CD84: variants seen among roughly 807,000 people sequenced by gnomAD.
CD84 encodes SLAM family member 5.
A neutral mutation model predicts 33.8 loss-of-function variants in CD84; 22 were observed. That is an observed-to-expected ratio of 0.65 (90% CI 0.46 to 0.93). CD84 has a LOEUF of 0.93. CD84 is among the 40% of genes least tolerant of loss of function. CD84 has a pLI of 0.00. For synonymous variants in CD84, 154 were observed against 145.2 expected (o/e 1.06, Z -0.44); for missense variants, 400 against 397.6 (o/e 1.01, Z -0.05).
chr1:160,565,900 G>T (rs1214031770), intron 1 of CD84, among the ~76,000 whole-genome samples, 155 bp from the exon 2 acceptor site: 1 of 150,866 alleles, frequency 6.6e-6, no homozygotes, highest in African/African-American at 2.4e-5. Flanking sequence ...TTCTACTCTA[G>T]GTGTATTTAA....
intron 1 of CD84, among the ~76,000 whole-genome samples, chr1:160,577,520 C>A (rs1557988418): frequency 6.6e-6 from 1 of 152,122 alleles, no homozygotes; most frequent in East Asian, 1.9e-4. Context: ...ATATCTCACT[C>A]CTAGTTTCCT....
chr1:160,548,543 A>G (rs1330220022), intron 6 of CD84, among the ~76,000 whole-genome samples: 4 of 152,134 alleles, frequency 2.6e-5, no homozygotes, highest in African/African-American at 9.7e-5. Flanking sequence ...TTAACTTCTT[A>G]GCCCAGAAAA....
chr1:160,570,658 C>A (rs914186607), intron 1 of CD84, among the ~76,000 whole-genome samples: 7 of 152,044 alleles, frequency 4.6e-5, no homozygotes, highest in African/African-American at 1.7e-4. Flanking sequence ...TCCAGGAGTG[C>A]GAGACCAGCC....
chr1:160,554,138 C>T lies in CD84; in HGVS notation c.397G>A (p.Gly133Arg), dbSNP rs760686065. 9 of 1,610,576 alleles carry T rather than the reference C, an allele frequency of 5.6e-6. No homozygotes were observed. The highest frequency in any genetic ancestry group is 2.7e-5 in the African/African-American group (2 of 74,858). ...AAACTCTGTGTAATTTTTGGTTTCCCAAGCCGACCTGTGGGGGCAAACACA... is the reference window on the plus strand; with the variant it reads ...AAACTCTGTGTAATTTTTGGTTTCCTAAGCCGACCTGTGGGGGCAAACACA... ...RYNLQIYRRL[G>R]KPKITQSLMA... is the part of the protein sequence containing the mutation. The change falls in exon 3 of 7, where the codon GGG (glycine) becomes AGG (arginine). Residue 133 changes from glycine (G) to arginine (R), a missense_variant. Coordinates refer to ENST00000368054, the MANE Select transcript of CD84 (RefSeq NM_003874.4).
chr1:160,551,172 G>A, intron 4 of CD84, 137 bp from the exon 5 acceptor site: 1 of 699,916 alleles, frequency 1.4e-6, no homozygotes, highest in Non-Finnish European at 2.5e-6. Context: ...TGAAATGGAT[G>A]CTTGGATCCT....
intron 4 of CD84, chr1:160,552,980 T>A (rs544372177): frequency 1.7e-6 from 1 of 579,902 alleles, no homozygotes; most frequent in Admixed American, 3.0e-5. Flanking sequence ...TTAGTATATG[T>A]TTCTCAATGA....
intron 5 of CD84, 154 bp downstream of exon 5, chr1:160,550,784 C>T (rs1169536662): frequency 6.1e-6 from 6 of 985,250 alleles, no homozygotes; most frequent in Non-Finnish European, 7.2e-6. Context: ...AGATCCGTGG[C>T]ATCACTTCCC....
Position 160,561,382 on chromosome 1 carries a change from A to T in CD84, c.388+4022T>A, listed in dbSNP as rs149003704. The stretch of plus-strand genomic sequence containing the variant: ...CAACATATCCAAATCAGTAAGTGTG[A>T]TTCATCACATAAATAGTACTGAAGA... On this transcript the variant is annotated intron_variant, in intron 2 of 6. Transcript: ENST00000368054. 8.8e-3 allele frequency among the ~76,000 whole-genome samples: 1,343 copies of T among 152,262 alleles called. 15 individuals are homozygous for T. The highest frequency in any genetic ancestry group is 0.039 in the South Asian group (190 of 4,824).
intron 2 of CD84, among the ~76,000 whole-genome samples, chr1:160,557,781 A>G (rs1469311738): frequency 3.3e-5 from 5 of 152,188 alleles, no homozygotes; most frequent in Non-Finnish European, 7.4e-5. Flanking sequence ...GGCGTCTGCC[A>G]TCTCTGTGGT....
chr1:160,558,531 A>G (rs2102157260), intron 2 of CD84, among the ~76,000 whole-genome samples: 1 of 152,356 alleles, frequency 6.6e-6, no homozygotes, highest in South Asian at 2.1e-4. Context: ...AAGATAATAA[A>G]GAATTAATGC....
At chr1:160,552,737 C>T (rs1361037188) in intron 4 of CD84, 1 of 1,546,924 alleles carries the variant, frequency 6.5e-7, no homozygotes, top group Non-Finnish European at 8.7e-7. Flanking sequence ...CAAGCAGGAA[C>T]CTGAGGAATC....
intron 1 of CD84, among the ~76,000 whole-genome samples, chr1:160,573,104 TAGA>T (rs1048793923): frequency 6.6e-6 from 1 of 152,066 alleles, no homozygotes; most frequent in African/African-American, 2.4e-5. Flanking sequence ...AGCCACTGAC[TAGA>T]AGAAGACAAT....
rs34031902 is a variant in CD84 at position 160,544,145 on chromosome 1, C to CTTTTTT, written c.*4105_*4110dup. On this transcript the variant is annotated 3_prime_UTR_variant, in exon 7 of 7. Coordinates refer to ENST00000368054, the MANE Select transcript of CD84 (RefSeq NM_003874.4). ...CCTCTTATTGTCTTTGTTCTTCAAACTTTTTTTTTTTTTTTTTTTTTTGAG... is the reference window on the plus strand; with the variant it reads ...CCTCTTATTGTCTTTGTTCTTCAAACTTTTTTTTTTTTTTTTTTTTTTTTTTTTGAG... 6 of 90,126 alleles carry CTTTTTT rather than the reference C, an allele frequency of 6.7e-5. No individual in the cohort carries two copies. Among genetic ancestry groups the CTTTTTT allele is most frequent in the East Asian group, 6.7e-4 (2 of 2,982 alleles). The allele number at this position is 90,126 out of a possible 1,614,324, so 5.6% of individuals were successfully genotyped here.
rs1429318528 is a variant in CD84, at chr1:160,543,348, A to T, written c.*4908T>A. ...TCCACAGGAGGTAAAAAAGGGCCAC[A>T]TGGCAGAGTACAAGTGCATGGCCCT... On this transcript the variant is annotated 3_prime_UTR_variant, in exon 7 of 7. Transcript: ENST00000368054. 6.6e-6 allele frequency: 1 copy of T among 152,204 alleles called. No homozygotes were observed. The highest frequency in any genetic ancestry group is 1.5e-5 in the Non-Finnish European group (1 of 68,040). 9.4% of individuals were successfully genotyped at this position (152,204 alleles called of 1,614,324 possible).
At chr1:160,571,781 G>A (rs1657710692) in intron 1 of CD84, among the ~76,000 whole-genome samples, 1 of 152,150 alleles carries the variant, frequency 6.6e-6, no homozygotes, top group Admixed American at 6.5e-5. Flanking sequence ...CCCTCTCATA[G>A]CACTTGCCAC....
chr1:160,552,840 T>A lies in CD84; in HGVS notation c.760+538A>T, dbSNP rs185613856. 1.6e-5 allele frequency: 13 copies of A among 817,576 alleles called. No individual in the cohort carries two copies. The African/African-American group carries it at 2.2e-4, about 14-fold the overall frequency. 50.6% of individuals were successfully genotyped at this position (817,576 alleles called of 1,614,324 possible). A position where few individuals can be genotyped will look rare whatever the true frequency, so the allele number is the denominator to read the frequency against. On this transcript the variant is annotated intron_variant, in intron 4 of 6. Coordinates refer to ENST00000368054, the MANE Select transcript of CD84 (RefSeq NM_003874.4). ...AGGAAGTTCTTGGGTGGACATGGGA[T>A]GTGGGTGAATCGGAGGGTATAATGA...
chr1:160,567,710 C>T (rs1233207299), intron 1 of CD84, among the ~76,000 whole-genome samples: 1 of 152,066 alleles, frequency 6.6e-6, no homozygotes, highest in African/African-American at 2.4e-5. Context: ...ATTGGGGTAG[C>T]GGGTCAGAAA....
chr1:160,579,484 G>A lies in CD84; in HGVS notation c.-47C>T, dbSNP rs747896519. 6.2e-7 allele frequency: 1 copy of A among 1,601,746 alleles called. No homozygotes were observed. On this transcript the variant is annotated 5_prime_UTR_variant, in exon 1 of 7. Coordinates refer to ENST00000368054, the MANE Select transcript of CD84 (RefSeq NM_003874.4). The stretch of plus-strand genomic sequence containing the variant: ...TGTGGAAAAGCACGGCACTGTTCTA[G>A]CAGAGTCAGTTTCACTTGAGTTTTC...
At chr1:160,569,538 ACACGCACG>A (rs1165103555) in intron 1 of CD84, among the ~76,000 whole-genome samples, 11 of 88,158 alleles carry the variant, frequency 1.2e-4, no homozygotes, top group Non-Finnish European at 2.3e-4. Context: ...ACACACACAC[ACACGCACG>A]CACGCACGCA....
Sources: allele counts gnomAD v4.1 joint callset (sites outside exome capture counted in the v4.1 genomes callset), GRCh38; gene constraint gnomAD v4.1.1; transcripts MANE v1.5; gene names NCBI Gene and HGNC (gene_info 2026-07-23, HGNC 2026-07-21).